Variants in TLN2 observed in about 807,000 individuals in gnomAD.
TLN2 encodes talin 2, also known as talin-2.
In TLN2, 118 loss-of-function variants were observed where a neutral mutation model predicts 294.7. The ratio of observed to expected loss-of-function variants is 0.40; its 90% CI spans 0.34 to 0.47. TLN2 has a LOEUF of 0.47. Among genes scored for constraint, TLN2 ranks in the 20% least tolerant of loss-of-function variants. The probability of loss-of-function intolerance (pLI) is 0.84; values close to 1 mark genes in which losing one functional copy is unlikely to be tolerated. For missense variants in TLN2, 3,083 were observed against 3,282.2 expected (o/e 0.94, Z 1.48); for synonymous variants, 1,431 against 1,304.5 (o/e 1.10, Z -2.09).
At chr15:62,569,348 C>T (rs1035827812) in intron 1 of TLN2, among the ~76,000 whole-genome samples, 9 of 152,210 alleles carry the variant, frequency 5.9e-5, no homozygotes, top group African/African-American at 1.9e-4. Flanking sequence ...GGTATGCTCT[C>T]ATGGGAAGAC....
At chr15:62,786,953 T>G (rs2064712525) in intron 45 of TLN2, among the ~76,000 whole-genome samples, 1 of 152,160 alleles carries the variant, frequency 6.6e-6, no homozygotes, top group African/African-American at 2.4e-5. Context: ...CAGGCTGGAG[T>G]ACAGTAGTGC....
intron 1 of TLN2, among the ~76,000 whole-genome samples, chr15:62,437,790 C>T (rs2035363196): frequency 6.6e-6 from 1 of 151,468 alleles, no homozygotes; most frequent in Admixed American, 6.6e-5. Flanking sequence ...TGTCTGTCTG[C>T]CAATTGGTGC....
chr15:62,778,799 A>C (rs575837611), intron 43 of TLN2, among the ~76,000 whole-genome samples: 4 of 152,330 alleles, frequency 2.6e-5, no homozygotes, highest in African/African-American at 9.6e-5. Context: ...TCAGTTCTGC[A>C]AAGTATATAA....
intron 1 of TLN2, among the ~76,000 whole-genome samples, chr15:62,508,570 G>C (rs1343543111): frequency 6.6e-6 from 1 of 152,192 alleles, no homozygotes; most frequent in East Asian, 1.9e-4. Flanking sequence ...GATCTGGACA[G>C]TTTGAAATAA....
At chr15:62,473,401 T>G (rs1271686072) in intron 1 of TLN2, among the ~76,000 whole-genome samples, 1 of 151,906 alleles carries the variant, frequency 6.6e-6, no homozygotes, top group African/African-American at 2.4e-5. Context: ...GTATGCAAAA[T>G]GTAGGTGTAA....
chr15:62,638,553 GT>G (rs1357305617), intron 3 of TLN2: 2 of 455,902 alleles, frequency 4.4e-6, no homozygotes, highest in Admixed American at 4.7e-5. Flanking sequence ...AGAAGGTCTG[GT>G]TGTGCTTTTC....
intron 2 of TLN2, among the ~76,000 whole-genome samples, chr15:62,597,986 T>A (rs973394019): frequency 9.9e-5 from 15 of 152,196 alleles, no homozygotes; most frequent in African/African-American, 3.6e-4. Flanking sequence ...GTTTCAGATT[T>A]TCAGATTAGG....
At chr15:62,804,221 G>A (rs142781227) in intron 50 of TLN2, among the ~76,000 whole-genome samples, 47 of 152,302 alleles carry the variant, frequency 3.1e-4, no homozygotes, top group Non-Finnish European at 5.3e-4. Flanking sequence ...CCTAATGGTG[G>A]TGATCAAAGA....
chr15:62,807,931 T>C (rs2066406881), intron 51 of TLN2, among the ~76,000 whole-genome samples: 1 of 151,990 alleles, frequency 6.6e-6, no homozygotes, highest in African/African-American at 2.4e-5. Flanking sequence ...CCTTTGCAAA[T>C]GGAAATGAGG....
chr15:62,563,671 A>T (rs1385888943), intron 1 of TLN2, among the ~76,000 whole-genome samples: 3 of 152,154 alleles, frequency 2.0e-5, no homozygotes, highest in Admixed American at 2.0e-4. Context: ...GCCTAAGCCA[A>T]TGTCTAGAAG....
intron 1 of TLN2, among the ~76,000 whole-genome samples, chr15:62,409,883 C>T (rs1595742389): frequency 6.6e-6 from 1 of 152,118 alleles, no homozygotes; most frequent in African/African-American, 2.4e-5. Flanking sequence ...AATTTTTTCC[C>T]CCTAAAGACA....
rs562400340 is a variant in TLN2, at chr15:62,604,743, A to G, written c.-161-13608A>G. Among the ~76,000 whole-genome samples the G allele has an allele frequency of 4.0e-5, 6 of 149,920 alleles. No homozygotes were observed. In the East Asian group the frequency reaches 1.2e-3, roughly 29 times the overall value. On this transcript the variant is annotated intron_variant, in intron 2 of 58. Coordinates refer to ENST00000636159, the MANE Select transcript of TLN2 (RefSeq NM_015059.3). ...TGAGATTATGGAACTATTAGGAAGC[A>G]TGGAGCTCATATTATGCGATAAGGG...
intron 1 of TLN2, among the ~76,000 whole-genome samples, chr15:62,454,907 A>G (rs146337445): frequency 2.0e-3 from 299 of 151,964 alleles, no homozygotes; most frequent in Non-Finnish European, 3.3e-3. Context: ...AGGTGGGGAG[A>G]GAAGAGGTAG....
chr15:62,764,769 C>T (rs980157951), intron 40 of TLN2, among the ~76,000 whole-genome samples: 2 of 151,978 alleles, frequency 1.3e-5, no homozygotes, highest in African/African-American at 4.8e-5. Context: ...GAGTTCCAGA[C>T]CAGCCTGGCC....
At chr15:62,493,396 T>G (rs2038850853) in intron 1 of TLN2, among the ~76,000 whole-genome samples, 1 of 152,138 alleles carries the variant, frequency 6.6e-6, no homozygotes, top group Non-Finnish European at 1.5e-5. Context: ...TGTTGTGCGG[T>G]GGGTGTTAAC....
chr15:62,594,361 C>G (rs1169638165), intron 2 of TLN2, among the ~76,000 whole-genome samples: 2 of 152,176 alleles, frequency 1.3e-5, no homozygotes, highest in Non-Finnish European at 2.9e-5. Context: ...GCATGTGCCA[C>G]CACGCCCAGC....
At chr15:62,805,872 T>A in intron 51 of TLN2, 87 bp downstream of exon 51, 2 of 1,426,550 alleles carry the variant, frequency 1.4e-6, no homozygotes, top group Non-Finnish European at 1.9e-6. Flanking sequence ...GGGGAGGGGC[T>A]CAGAACCTTA....
At chr15:62,751,515 G>A (rs894519042) in intron 34 of TLN2, among the ~76,000 whole-genome samples, 4 of 152,198 alleles carry the variant, frequency 2.6e-5, no homozygotes, top group African/African-American at 9.6e-5. Context: ...TAGGGAATTT[G>A]TTCCCTTCCA....
At chr15:62,429,384 T>G (rs13329232) in intron 1 of TLN2, among the ~76,000 whole-genome samples, 10 of 152,116 alleles carry the variant, frequency 6.6e-5, no homozygotes, top group African/African-American at 2.4e-4. Flanking sequence ...ACTTATCGTT[T>G]ATGAAAAGCA....
Sources: allele counts gnomAD v4.1 joint callset (sites outside exome capture counted in the v4.1 genomes callset), GRCh38; gene constraint gnomAD v4.1.1; transcripts MANE v1.5; gene names NCBI Gene and HGNC (gene_info 2026-07-23, HGNC 2026-07-21).